The following GPC5 variants were observed in gnomAD, a reference collection of about 807,000 sequenced individuals.
GPC5 encodes the protein glypican 5.
A neutral mutation model predicts 53.9 loss-of-function variants in GPC5; 47 were observed. The ratio of observed to expected loss-of-function variants is 0.87; its 90% CI spans 0.69 to 1.11. The LOEUF is 1.11. Ranked by LOEUF, GPC5 falls within the 50% of genes most tolerant of loss-of-function variation. GPC5 has a pLI of 0.00. For missense variants in GPC5, 748 were observed against 713.1 expected (o/e 1.05, Z -0.56); for synonymous variants, 286 against 263.3 (o/e 1.09, Z -0.84).
chr13:92,613,608 AT>A (rs1408413545), intron 7 of GPC5, among the ~76,000 whole-genome samples: 3,395 of 122,162 alleles, frequency 0.028, 165 homozygotes, highest in African/African-American at 0.098. Context: ...TATTATATTT[AT>A]TTTATTATTT....
chr13:91,888,631 G>A (rs973176624), intron 5 of GPC5, among the ~76,000 whole-genome samples: 10 of 152,088 alleles, frequency 6.6e-5, no homozygotes, highest in Non-Finnish European at 8.8e-5. Context: ...GGGTGCTGGC[G>A]GTGGCAAGAA....
chr13:91,585,437 T>C (rs932546003), intron 2 of GPC5, among the ~76,000 whole-genome samples: 1 of 152,230 alleles, frequency 6.6e-6, no homozygotes, highest in Non-Finnish European at 1.5e-5. Context: ...AGTCCACTTA[T>C]GCAATGAAAC....
At position 92,719,271 on chromosome 13, in the gene GPC5, A is replaced by T. The variant is rs143277423; in HGVS notation, c.1562-147011A>T. On this transcript the variant is annotated intron_variant, in intron 7 of 7. Coordinates refer to ENST00000377067, the MANE Select transcript of GPC5 (RefSeq NM_004466.6). ...TACATCTAGCTTTTACAAATGACAC[A>T]TAAGAAAATGAGGAGTTTTGTTCTA... 3.3e-3 allele frequency among the ~76,000 whole-genome samples: 500 copies of T among 152,022 alleles called. 3 individuals are homozygous for T. The highest frequency in any genetic ancestry group is 0.012 in the African/African-American group (478 of 41,482).
At chr13:92,393,987 G>A (rs1237159316) in intron 7 of GPC5, among the ~76,000 whole-genome samples, 1 of 151,986 alleles carries the variant, frequency 6.6e-6, no homozygotes, top group East Asian at 1.9e-4. Context: ...ATGTAGTAGA[G>A]GCTTTCTGTC....
chr13:91,666,839 T>C (rs1290889136), intron 2 of GPC5, among the ~76,000 whole-genome samples: 1 of 152,194 alleles, frequency 6.6e-6, no homozygotes, highest in Non-Finnish European at 1.5e-5. Flanking sequence ...ATTTCCAACA[T>C]ATCTTAGTTT....
At chr13:92,032,435 A>G (rs1218527117) in intron 6 of GPC5, among the ~76,000 whole-genome samples, 1 of 150,594 alleles carries the variant, frequency 6.6e-6, no homozygotes, top group Non-Finnish European at 1.5e-5. Flanking sequence ...AAACCTATGG[A>G]AATAAAAATT....
chr13:91,984,680 A>G (rs2040390663), intron 6 of GPC5, among the ~76,000 whole-genome samples: 1 of 152,186 alleles, frequency 6.6e-6, no homozygotes, highest in Non-Finnish European at 1.5e-5. Flanking sequence ...TGTGTACCTT[A>G]GTAATTTCAA....
chr13:92,815,663 T>C (rs1294609097), intron 7 of GPC5, among the ~76,000 whole-genome samples: 1 of 151,752 alleles, frequency 6.6e-6, no homozygotes, highest in African/African-American at 2.4e-5. Flanking sequence ...ACAAAGACAG[T>C]AGAAGCCAAT....
rs398023955 is a variant in GPC5, at chr13:92,257,546, A to ATTTTTTTTT, written c.1561+112570_1561+112578dup. Among the ~76,000 whole-genome samples the ATTTTTTTTT allele has an allele frequency of 1.0e-3, 73 of 72,942 alleles. 15 individuals are homozygous for ATTTTTTTTT. The highest frequency in any genetic ancestry group is 4.6e-3 in the African/African-American group (59 of 12,942). 47.9% of individuals were successfully genotyped at this position (72,942 alleles called of 152,430 possible). A position where few individuals can be genotyped will look rare whatever the true frequency, so the allele number is the denominator to read the frequency against. ...AGTGAGAGAGGTTTCTAATACAGGGATTTTTTTTTTTTTTTTTTTTTGGGG... is the reference window on the plus strand; with the variant it reads ...AGTGAGAGAGGTTTCTAATACAGGGATTTTTTTTTTTTTTTTTTTTTTTTTTTTTTGGGG... On this transcript the variant is annotated intron_variant, in intron 7 of 7. Coordinates refer to ENST00000377067, the MANE Select transcript of GPC5 (RefSeq NM_004466.6).
At chr13:91,572,119 A>G (rs1373847829) in intron 2 of GPC5, among the ~76,000 whole-genome samples, 1 of 133,316 alleles carries the variant, frequency 7.5e-6, no homozygotes, top group Non-Finnish European at 1.7e-5. Flanking sequence ...ACATGTATAT[A>G]TACGTGTGTA....
chr13:92,848,181 A>T (rs1878672895), intron 7 of GPC5, among the ~76,000 whole-genome samples: 1 of 152,222 alleles, frequency 6.6e-6, no homozygotes, highest in Non-Finnish European at 1.5e-5. Flanking sequence ...CTGTGTAAAA[A>T]TATTAAAAAG....
chr13:92,310,731 C>T (rs2043139950), intron 7 of GPC5, among the ~76,000 whole-genome samples: 2 of 152,168 alleles, frequency 1.3e-5, no homozygotes, highest in Admixed American at 6.5e-5. Context: ...TATTTTCAGT[C>T]CTCCCTACTG....
At chr13:91,516,072 A>G (rs1885482064) in intron 2 of GPC5, among the ~76,000 whole-genome samples, 1 of 152,046 alleles carries the variant, frequency 6.6e-6, no homozygotes, top group African/African-American at 2.4e-5. Context: ...AACACGTGGG[A>G]GTTCAGGGAG....
At chr13:91,890,606 T>C (rs539613244) in intron 5 of GPC5, among the ~76,000 whole-genome samples, 1 of 152,256 alleles carries the variant, frequency 6.6e-6, no homozygotes, top group Non-Finnish European at 1.5e-5. Context: ...ATTTTGTTTG[T>C]TTTGTAGTCT....
At chr13:92,025,753 T>C (rs1192292134) in intron 6 of GPC5, among the ~76,000 whole-genome samples, 2 of 152,200 alleles carry the variant, frequency 1.3e-5, no homozygotes, top group African/African-American at 4.8e-5. Context: ...TTGTAGATGA[T>C]TATCTCTTTA....
intron 6 of GPC5, among the ~76,000 whole-genome samples, chr13:92,121,325 T>C (rs1467628598): frequency 3.3e-5 from 5 of 152,208 alleles, no homozygotes; most frequent in Non-Finnish European, 7.3e-5. Flanking sequence ...TCTGCATCTC[T>C]GTTCACCATC....
At chr13:92,581,678 A>T (rs1167904275) in intron 7 of GPC5, among the ~76,000 whole-genome samples, 5 of 152,150 alleles carry the variant, frequency 3.3e-5, no homozygotes, top group African/African-American at 1.2e-4. Context: ...CTACATTCCA[A>T]CAAACAGTTA....
chr13:91,738,604 T>C (rs1359624941), intron 4 of GPC5, among the ~76,000 whole-genome samples: 1 of 151,356 alleles, frequency 6.6e-6, no homozygotes, highest in Admixed American at 6.6e-5. Context: ...TCCTCCTTTC[T>C]TGCCTTCTTT....
At chr13:92,259,689 C>T (rs1414871893) in intron 7 of GPC5, among the ~76,000 whole-genome samples, 1 of 152,148 alleles carries the variant, frequency 6.6e-6, no homozygotes, top group East Asian at 1.9e-4. Context: ...ATGCCTGGAC[C>T]TGGCAGGTGC....
Sources: allele counts gnomAD v4.1 joint callset (sites outside exome capture counted in the v4.1 genomes callset), GRCh38; gene constraint gnomAD v4.1.1; transcripts MANE v1.5; gene names NCBI Gene and HGNC (gene_info 2026-07-23, HGNC 2026-07-21).